DCAF4: variants seen among roughly 807,000 people sequenced by gnomAD.
DCAF4 encodes the protein DDB1- and CUL4-associated factor 4.
Under a neutral mutation model 60.9 loss-of-function variants are expected in DCAF4, and 37 were observed. That is an observed-to-expected ratio of 0.61 (90% CI 0.47 to 0.80). The LOEUF is 0.80. Among genes scored for constraint, DCAF4 ranks in the 30% least tolerant of loss-of-function variants. The pLI is 0.00. For synonymous variants in DCAF4, 243 were observed against 254.8 expected, an observed-to-expected ratio of 0.95 and a Z score of 0.44; for missense variants, 577 against 650.0, an observed-to-expected ratio of 0.89 and a Z score of 1.22.
intron 9 of DCAF4, among the ~76,000 whole-genome samples, chr14:72,953,765 T>TATATATATA (rs1891852668): frequency 4.6e-5 from 1 of 21,974 alleles, no homozygotes; most frequent in African/African-American, 1.5e-4. Context: ...ATATATATAG[T>TATATATATA]TTATTTATTT....
intron 1 of DCAF4, chr14:72,930,008 T>G (rs1599565391): frequency 1.7e-6 from 1 of 604,896 alleles, no homozygotes; most frequent in East Asian, 2.9e-5. Flanking sequence ...GGCTCGTGCC[T>G]GTAATTCCGG....
intron 2 of DCAF4, among the ~76,000 whole-genome samples, chr14:72,938,807 A>G (rs1217746753): frequency 6.6e-6 from 1 of 152,188 alleles, no homozygotes; most frequent in Non-Finnish European, 1.5e-5. Context: ...CGGGACTGGA[A>G]GTCAGTGAGT....
rs1047362247 is a variant in DCAF4 at position 72,949,924 on chromosome 14, A to G, written c.729-1874A>G. 2.6e-5 allele frequency among the ~76,000 whole-genome samples: 4 copies of G among 152,338 alleles called. No individual in the cohort carries two copies. The South Asian group carries it at 8.3e-4, about 32-fold the overall frequency. On this transcript the variant is annotated intron_variant, in intron 8 of 13. Coordinates refer to ENST00000358377, the MANE Select transcript of DCAF4 (RefSeq NM_015604.4). ...GAGACAGGCAGCTCCACAAGTCCTC[A>G]GTGTAGGAGGAAAGCTGCATGCAGG...
chr14:72,929,883 CT>C, intron 1 of DCAF4: 1 of 1,468,488 alleles, frequency 6.8e-7, no homozygotes, highest in Non-Finnish European at 9.3e-7. Context: ...TCTTGGTCAC[CT>C]TGTGGCCCTT....
chr14:72,937,031 G>T (rs1889367295), intron 1 of DCAF4, among the ~76,000 whole-genome samples: 1 of 152,236 alleles, frequency 6.6e-6, no homozygotes, highest in African/African-American at 2.4e-5. Context: ...TTAGTAGAAA[G>T]GCGAGGAGAG....
Position 72,939,809 on chromosome 14 carries a change from TC to T in DCAF4, c.103del (p.Arg35GlyfsTer57). On this transcript the variant is annotated frameshift_variant, in exon 3 of 14. Transcript: ENST00000358377. LOFTEE classifies it high-confidence loss of function. Reference protein sequence around the residue: ...RLRDSEDRSDSRAAQPAHDSG... With the variant: ...RLRDSEDRSDXRAAQPAHDSG... ...ACAGCTGTGTGTCAACAGGTCTGAC[TC>T]CCGGGCAGCACAGCCCGCTCACGAT... The T allele has an allele frequency of 6.2e-7, 1 of 1,611,864 alleles. No homozygotes were observed. The highest frequency in any genetic ancestry group is 8.5e-7 in the Non-Finnish European group (1 of 1,179,028).
chr14:72,936,407 T>C (rs1889272128), intron 1 of DCAF4, among the ~76,000 whole-genome samples: 1 of 151,826 alleles, frequency 6.6e-6, no homozygotes, highest in Admixed American at 6.6e-5. Context: ...CTACTAAAAA[T>C]ACAAAAATTA....
chr14:72,945,770 T>C, intron 6 of DCAF4, 114 bp from the exon 7 acceptor site: 1 of 1,388,164 alleles, frequency 7.2e-7, no homozygotes, highest in Non-Finnish European at 9.9e-7. Flanking sequence ...AGAGGAACTC[T>C]CACCTAGTGA....
At chr14:72,947,683 G>A (rs1384852928) in intron 8 of DCAF4, among the ~76,000 whole-genome samples, 1 of 152,254 alleles carries the variant, frequency 6.6e-6, no homozygotes, top group African/African-American at 2.4e-5. Flanking sequence ...ACAGTGGTCA[G>A]GAGAGCAGGG....
chr14:72,955,626 A>AT lies in DCAF4; in HGVS notation c.1111dup (p.Ser371PhefsTer12). On this transcript the variant is annotated frameshift_variant, in exon 12 of 14. Transcript: ENST00000358377. LOFTEE classifies it high-confidence loss of function. ...TGGAAGGCCACCCGCCTGTTTCATG[A>AT]TTCAGCAGTGACCTCTGTGCGGATC... The AT allele has an allele frequency of 6.2e-7, 1 of 1,614,170 alleles. No individual in the cohort carries two copies. Among genetic ancestry groups the AT allele is most frequent in the Non-Finnish European group, 8.5e-7 (1 of 1,180,020 alleles).
chr14:72,938,885 A>G (rs1453203132), intron 2 of DCAF4, among the ~76,000 whole-genome samples: 2 of 151,910 alleles, frequency 1.3e-5, no homozygotes, highest in South Asian at 2.1e-4. Context: ...AACCCTGTAC[A>G]CCAGGCTACA....
rs11849948 is a variant in DCAF4, at chr14:72,959,331, C to G, written c.*526C>G. 2,264 of 985,616 alleles carry G rather than the reference C, an allele frequency of 2.3e-3. 35 individuals are homozygous for G. The African/African-American group carries it at 0.035, about 15-fold the overall frequency. The allele number at this position is 985,616 out of a possible 1,614,324, so 61.1% of individuals were successfully genotyped here. A position where few individuals can be genotyped will look rare whatever the true frequency, so the allele number is the denominator to read the frequency against. On this transcript the variant is annotated 3_prime_UTR_variant, in exon 14 of 14. Transcript: ENST00000358377. ...AAGGCTGGAGTTTGGAATCCTTAAA[C>G]TTGGCCTTCTCAAACTCAGCAGCAG...
chr14:72,952,813 G>T (rs985546311), intron 9 of DCAF4, among the ~76,000 whole-genome samples: 2 of 146,726 alleles, frequency 1.4e-5, no homozygotes, highest in South Asian at 4.4e-4. Flanking sequence ...TCCTGCCTCA[G>T]CCTCCCAAGT....
chr14:72,946,085 A>T, intron 7 of DCAF4, 58 bp downstream of exon 7: 1 of 1,587,236 alleles, frequency 6.3e-7, no homozygotes, highest in Non-Finnish European at 8.6e-7. Context: ...TAGTTGGCCA[A>T]ATTCAGGGTA....
chr14:72,960,409 C>A (rs1892771735), downstream of DCAF4, among the ~76,000 whole-genome samples: 1 of 152,166 alleles, frequency 6.6e-6, no homozygotes, highest in Non-Finnish European at 1.5e-5. Context: ...CTCAGCCTCC[C>A]AAAGTGCTGG....
At chr14:72,935,340 C>T (rs1323323539) in intron 1 of DCAF4, among the ~76,000 whole-genome samples, 4 of 151,982 alleles carry the variant, frequency 2.6e-5, no homozygotes, top group African/African-American at 4.8e-5. Context: ...CTGCAACCTC[C>T]GCCACCTGGG....
chr14:72,950,241 G>T (rs1480049330), intron 8 of DCAF4, among the ~76,000 whole-genome samples: 1 of 152,178 alleles, frequency 6.6e-6, no homozygotes, highest in African/African-American at 2.4e-5. Flanking sequence ...CAAGACTAAG[G>T]GCGGTGGTGA....
At chr14:72,956,570 C>A in intron 13 of DCAF4, 70 bp downstream of exon 13, 2 of 1,465,098 alleles carry the variant, frequency 1.4e-6, no homozygotes, top group Non-Finnish European at 1.9e-6. Context: ...CCAGCAACTT[C>A]AGCAGCAGAG....
At chr14:72,931,261 CTCT>C (rs1888537840) in intron 1 of DCAF4, among the ~76,000 whole-genome samples, 1 of 75,640 alleles carries the variant, frequency 1.3e-5, no homozygotes, top group Non-Finnish European at 3.0e-5. Context: ...AGTACTTTTT[CTCT>C]TTTTTTTTTT....
Sources: gnomAD v4.1 joint callset for allele counts (sites outside exome capture counted in the v4.1 genomes callset) on GRCh38, gnomAD v4.1.1 for gene constraint, MANE v1.5 for transcripts, NCBI Gene and HGNC (gene_info 2026-07-23, HGNC 2026-07-21) for gene names.